The following MTCL1 variants were observed in gnomAD, a reference collection of about 807,000 sequenced individuals.
MTCL1 encodes microtubule cross-linking factor 1.
In MTCL1, 79 loss-of-function variants were observed where a neutral mutation model predicts 141.4. That is an observed-to-expected ratio of 0.56 (90% CI 0.47 to 0.67). MTCL1 has a LOEUF of 0.67. Among genes scored for constraint, MTCL1 ranks in the 30% least tolerant of loss-of-function variants. The probability of loss-of-function intolerance (pLI) is 0.00; values close to 1 mark genes in which losing one functional copy is unlikely to be tolerated. For synonymous variants in MTCL1, 914 were observed against 875.8 expected, an observed-to-expected ratio of 1.04 and a Z score of -0.77; for missense variants, 2,177 against 2,113.9, an observed-to-expected ratio of 1.03 and a Z score of -0.59.
At chr18:8,743,392 T>A (rs143908698) in intron 4 of MTCL1, among the ~76,000 whole-genome samples, 1 of 152,368 alleles carries the variant, frequency 6.6e-6, no homozygotes, top group African/African-American at 2.4e-5. Context: ...CAGAAGGTCT[T>A]AGTACTACAG....
chr18:8,825,835 G>A (rs1308441637), exon 15 of MTCL1: 1 of 1,614,168 alleles, frequency 6.2e-7, no homozygotes, highest in Non-Finnish European at 8.5e-7. Context: ...ATTAATGATG[G>A]CCTCTCCAGC....
rs2077169948 is a variant in MTCL1, at chr18:8,830,771, T to TTTGTAA, written c.*19-836_*19-835insTTGTAA. Reference sequence around the variant, plus strand: ...CCACAGCTTTTTACATTTCTGTGTATCAGCAAATTCCAAATTTGGGTGTCC... The same window carrying TTTGTAA: ...CCACAGCTTTTTACATTTCTGTGTATTTGTAACAGCAAATTCCAAATTTGGGTGTCC... On this transcript the variant is annotated intron_variant, in intron 16 of 16. Coordinates refer to ENST00000359865, the Ensembl canonical transcript of MTCL1. This position sits in a 1 kb window ranked among gnomAD's most constrained non-coding sequence, Gnocchi z 6.4. 1 of 985,316 alleles carries TTTGTAA rather than the reference T, an allele frequency of 1.0e-6. No individual in the cohort carries two copies. Among genetic ancestry groups the TTTGTAA allele is most frequent in the Non-Finnish European group, 1.2e-6 (1 of 829,946 alleles). 61.0% of individuals were successfully genotyped at this position (985,316 alleles called of 1,614,324 possible). A position where few individuals can be genotyped will look rare whatever the true frequency, so the allele number is the denominator to read the frequency against.
chr18:8,809,090 T>C (rs1015766265), intron 11 of MTCL1, among the ~76,000 whole-genome samples: 2 of 151,708 alleles, frequency 1.3e-5, no homozygotes, highest in African/African-American at 4.9e-5. Context: ...GAAGCTTAGG[T>C]ATGAGGGGAA....
chr18:8,728,621 C>T (rs1171242241), intron 4 of MTCL1, among the ~76,000 whole-genome samples: 6 of 149,900 alleles, frequency 4.0e-5, no homozygotes, highest in East Asian at 4.0e-4. Context: ...GAATAGTGTT[C>T]GATAGTGAAA....
chr18:8,798,254 G>A lies in MTCL1; in HGVS notation c.2399G>A (p.Arg800Gln), dbSNP rs200421486. ...GTGCAGATTGGAGATCACAGCTTGC[G>A]GCTGCAGACCGCGGACAGGGGACAG... The change falls in exon 10 of 17, where the codon CGG (arginine) becomes CAG (glutamine). Residue 800 changes from arginine to glutamine, a missense_variant. Arg to Gln is a conservative substitution (Grantham distance 43). Coordinates refer to ENST00000359865, the Ensembl canonical transcript of MTCL1. The A allele has an allele frequency of 2.1e-4, 336 of 1,575,752 alleles. No individual in the cohort carries two copies. The highest frequency in any genetic ancestry group is 2.7e-4 in the Non-Finnish European group (311 of 1,162,930).
chr18:8,825,620 G>A (rs1382049485), exon 15 of MTCL1: 21 of 1,613,744 alleles, frequency 1.3e-5, no homozygotes, highest in Non-Finnish European at 1.6e-5. Context: ...GCAGACAGGT[G>A]GCCCCTGCCA....
intron 4 of MTCL1, among the ~76,000 whole-genome samples, chr18:8,756,337 GTGTGTATATATATGTGTATATATGTA>G (rs2096397756): frequency 6.7e-6 from 1 of 150,078 alleles, no homozygotes; most frequent in African/African-American, 2.5e-5. Flanking sequence ...ATATATATGT[GTGTGTATATATATGTGTATATATGTA>G]TATATGTGTA....
intron 14 of MTCL1, among the ~76,000 whole-genome samples, chr18:8,823,571 T>C (rs529013568): frequency 6.6e-6 from 1 of 152,372 alleles, no homozygotes; most frequent in South Asian, 2.1e-4. Flanking sequence ...ACCATTGCCC[T>C]TCCTTTCCGG....
intron 16 of MTCL1, chr18:8,829,680 G>A: frequency 1.0e-6 from 1 of 985,286 alleles, no homozygotes; most frequent in African/African-American, 1.7e-5. Context: ...GAAGCCAGTA[G>A]TATCTGTTGT....
In MTCL1 at chr18:8,831,155, C is replaced by G. The variant is rs1236940559; in HGVS notation, c.*19-452C>G. On this transcript the variant is annotated intron_variant, in intron 16 of 16. Transcript: ENST00000359865. ...AACACAGCTGAATGAAATCAGAGGTCTCTTTGTGGGCTCCCAGTAGATCCA... is the reference window on the plus strand; with the variant it reads ...AACACAGCTGAATGAAATCAGAGGTGTCTTTGTGGGCTCCCAGTAGATCCA... 4.0e-6 allele frequency: 4 copies of G among 989,058 alleles called. No individual in the cohort carries two copies. The African/African-American group carries it at 5.2e-5, about 13-fold the overall frequency. 61.3% of individuals were successfully genotyped at this position (989,058 alleles called of 1,614,324 possible). A position where few individuals can be genotyped will look rare whatever the true frequency, so the allele number is the denominator to read the frequency against.
chr18:8,759,626 G>T (rs1598524755), intron 4 of MTCL1, among the ~76,000 whole-genome samples: 1 of 152,152 alleles, frequency 6.6e-6, no homozygotes, highest in Admixed American at 6.5e-5. Context: ...AGAGCCAAAG[G>T]CCATAATGAG....
At chr18:8,726,286 C>CTTTTTTTTTTT (rs77665680) in intron 4 of MTCL1, among the ~76,000 whole-genome samples, 5 of 102,258 alleles carry the variant, frequency 4.9e-5, no homozygotes, top group Non-Finnish European at 7.5e-5. Flanking sequence ...TTCTTTTTTT[C>CTTTTTTTTTTT]TTTTTTTTTT....
At chr18:8,798,356 T>C in intron 10 of MTCL1, 65 bp downstream of exon 9, 1 of 1,338,826 alleles carries the variant, frequency 7.5e-7, no homozygotes. Context: ...CTAAGCTGCA[T>C]TTGGGTCGTT....
At chr18:8,804,055 A>G (rs1162434614) in intron 10 of MTCL1, among the ~76,000 whole-genome samples, 3 of 152,216 alleles carry the variant, frequency 2.0e-5, no homozygotes, top group Non-Finnish European at 4.4e-5. Context: ...GATCAAAATT[A>G]TTATAATTAT....
At chr18:8,741,115 G>A (rs1490625408) in intron 4 of MTCL1, among the ~76,000 whole-genome samples, 1 of 152,212 alleles carries the variant, frequency 6.6e-6, no homozygotes, top group Non-Finnish European at 1.5e-5. Context: ...TGTTCTTACT[G>A]TACAGCTTCA....
chr18:8,793,586 C>G (rs1466833858), intron 8 of MTCL1, among the ~76,000 whole-genome samples: 1 of 152,188 alleles, frequency 6.6e-6, no homozygotes, highest in South Asian at 2.1e-4. Flanking sequence ...CTGGTACTGG[C>G]TAATTATCTT....
chr18:8,725,650 A>G (rs9953966), intron 4 of MTCL1, among the ~76,000 whole-genome samples: 61,886 of 151,524 alleles, frequency 0.41, 13,514 homozygotes, highest in Admixed American at 0.54. Context: ...AAATGTATTG[A>G]CTCATTTGTT....
Position 8,786,110 on chromosome 18 carries a change from T to TCAC in MTCL1, c.1887+20_1887+21insACC, listed in dbSNP as rs1555655919. 1.1e-5 allele frequency: 15 copies of TCAC among 1,313,446 alleles called. No homozygotes were observed. Among genetic ancestry groups the TCAC allele is most frequent in the South Asian group, 5.2e-5 (4 of 77,368 alleles). 81.4% of individuals were successfully genotyped at this position (1,313,446 alleles called of 1,614,324 possible). A position where few individuals can be genotyped will look rare whatever the true frequency, so the allele number is the denominator to read the frequency against. ...CCTGGAGGTCAGCGTGGGCAAGCAA[T>TCAC]CCCCCCCCCCCGCCCTCCCCCTCCT... On this transcript the variant is annotated intron_variant, in intron 7 of 16. Coordinates refer to ENST00000359865, the Ensembl canonical transcript of MTCL1.
At chr18:8,817,264 T>TC (rs1009962205) in intron 12 of MTCL1, among the ~76,000 whole-genome samples, 5 of 150,564 alleles carry the variant, frequency 3.3e-5, no homozygotes, top group African/African-American at 1.2e-4. Flanking sequence ...TTTTTTTTTT[T>TC]TTTTTTTTTA....
Sources: allele counts gnomAD v4.1 joint callset (sites outside exome capture counted in the v4.1 genomes callset), GRCh38; gene constraint gnomAD v4.1.1; non-coding constraint Gnocchi (gnomAD v3.1); transcripts MANE v1.5; gene names NCBI Gene and HGNC (gene_info 2026-07-23, HGNC 2026-07-21).